PDE4B: variants seen among roughly 807,000 people sequenced by gnomAD.
PDE4B encodes the protein phosphodiesterase 4B.
In PDE4B, 20 loss-of-function variants were observed where a neutral mutation model predicts 82.2. The ratio of observed to expected loss-of-function variants is 0.24; its 90% CI spans 0.17 to 0.35. The LOEUF (loss-of-function observed/expected upper bound fraction) is 0.35, where lower values mean the gene tolerates loss of function less well. Ranked by LOEUF, PDE4B falls within the 10% of genes least tolerant of loss-of-function variation. The pLI is 1.00. For synonymous variants in PDE4B, 320 were observed against 318.9 expected, an observed-to-expected ratio of 1.00 and a Z score of -0.04; for missense variants, 655 against 907.2, an observed-to-expected ratio of 0.72 and a Z score of 3.57.
At chr1:65,853,261 C>G (rs569466316) in intron 1 of PDE4B, among the ~76,000 whole-genome samples, 61 of 152,056 alleles carry the variant, frequency 4.0e-4, no homozygotes, top group Non-Finnish European at 8.1e-4. Flanking sequence ...GTATCTATAA[C>G]TTTACATTTT....
At chr1:65,959,963 A>G (rs1168593441) in intron 3 of PDE4B, among the ~76,000 whole-genome samples, 2 of 152,034 alleles carry the variant, frequency 1.3e-5, no homozygotes, top group African/African-American at 4.8e-5. Context: ...CTTCCTCCTG[A>G]GCCTCCTAAA....
At chr1:65,872,220 T>C (rs1646581293) in intron 1 of PDE4B, among the ~76,000 whole-genome samples, 1 of 152,200 alleles carries the variant, frequency 6.6e-6, no homozygotes, top group Non-Finnish European at 1.5e-5. Context: ...GCTCACCAAA[T>C]TACTTAGATT....
At chr1:66,100,141 C>A (rs1379530892) in intron 3 of PDE4B, among the ~76,000 whole-genome samples, 1 of 151,530 alleles carries the variant, frequency 6.6e-6, no homozygotes, top group Admixed American at 6.6e-5. Flanking sequence ...GCAGTCTCCC[C>A]CTCCTGAGTT....
At chr1:65,854,123 G>A (rs1646364944) in intron 1 of PDE4B, among the ~76,000 whole-genome samples, 1 of 151,662 alleles carries the variant, frequency 6.6e-6, no homozygotes, top group Non-Finnish European at 1.5e-5. Flanking sequence ...TCACACATAA[G>A]AACCCCAACC....
chr1:66,293,468 T>C (rs1375435011), intron 7 of PDE4B, among the ~76,000 whole-genome samples: 2 of 152,208 alleles, frequency 1.3e-5, no homozygotes, highest in Non-Finnish European at 2.9e-5. Flanking sequence ...GCATCTACTA[T>C]GTGCATTGCA....
intron 8 of PDE4B, among the ~76,000 whole-genome samples, chr1:66,338,179 A>T (rs1660669527): frequency 6.6e-6 from 1 of 152,250 alleles, no homozygotes; most frequent in East Asian, 1.9e-4. Flanking sequence ...CAGATGAGTA[A>T]AGTGAGGCAT....
At chr1:66,279,263 A>T (rs1213690700) in intron 7 of PDE4B, among the ~76,000 whole-genome samples, 1 of 152,134 alleles carries the variant, frequency 6.6e-6, no homozygotes, top group Non-Finnish European at 1.5e-5. Flanking sequence ...ATTATTTGTC[A>T]GGTGTGTGTG....
chr1:66,164,244 G>T (rs1420946339), intron 3 of PDE4B, among the ~76,000 whole-genome samples: 1 of 151,958 alleles, frequency 6.6e-6, no homozygotes, highest in Admixed American at 6.6e-5. Flanking sequence ...CTTATGAAAA[G>T]ACCAGCAATC....
intron 3 of PDE4B, chr1:66,152,617 T>A (rs114287158): frequency 0.14 from 17,426 of 125,320 alleles, 1,272 homozygotes; most frequent in South Asian, 0.31. Context: ...CACATATATA[T>A]ATTTATATAT....
Position 65,992,139 on chromosome 1 carries a change from G to GA in PDE4B, c.281+73313dup, listed in dbSNP as rs369821262. 5.5e-3 allele frequency among the ~76,000 whole-genome samples: 837 copies of GA among 151,234 alleles called. 4 individuals are homozygous for GA. The highest frequency in any genetic ancestry group is 0.019 in the African/African-American group (784 of 41,264). ...GTTTTGGATCTTCTGGAGAAGGGAGGAAAAAAAAACTTCAGCAAATCAGCT... is the reference window on the plus strand; with the variant it reads ...GTTTTGGATCTTCTGGAGAAGGGAGGAAAAAAAAAACTTCAGCAAATCAGCT... On this transcript the variant is annotated intron_variant, in intron 3 of 16. Transcript: ENST00000341517.
intron 3 of PDE4B, among the ~76,000 whole-genome samples, chr1:66,081,832 C>G (rs12759207): frequency 0.54 from 67,721 of 124,950 alleles, 16,896 homozygotes; most frequent in Non-Finnish European, 0.58. Flanking sequence ...CTCTCTCTCT[C>G]TGTGTGTGTG....
intron 3 of PDE4B, among the ~76,000 whole-genome samples, chr1:66,232,862 G>A (rs1222664347): frequency 6.6e-6 from 1 of 152,146 alleles, no homozygotes; most frequent in Non-Finnish European, 1.5e-5. Context: ...TAAGTGTTAA[G>A]GAAATGGAGA....
Position 65,837,091 on chromosome 1 carries a change from G to GT in PDE4B, c.-71+43856dup, listed in dbSNP as rs879623685. Among the ~76,000 whole-genome samples, 1,193 of 142,618 alleles carry GT rather than the reference G, an allele frequency of 8.4e-3. 5 individuals are homozygous for GT. Among genetic ancestry groups the GT allele is most frequent in the African/African-American group, 0.021 (812 of 39,280 alleles). The allele number at this position is 142,618 out of a possible 152,430, so 93.6% of individuals were successfully genotyped here. On this transcript the variant is annotated intron_variant, in intron 1 of 16. Transcript: ENST00000341517. ...AAATTAAACATACCAGCCAGCACCA[G>GT]TTTTTTTTTTTTTAATCATTAAGCT...
chr1:66,268,950 CTA>C (rs1053643917), intron 7 of PDE4B, among the ~76,000 whole-genome samples: 4 of 152,104 alleles, frequency 2.6e-5, no homozygotes, highest in African/African-American at 9.7e-5. Context: ...TGTGCCTTAT[CTA>C]TCTTTTTATT....
At position 65,895,045 on chromosome 1, in the gene PDE4B, C is replaced by T. The variant is rs555108546; in HGVS notation, c.-70-18200C>T. Among the ~76,000 whole-genome samples, 4 of 152,168 alleles carry T rather than the reference C, an allele frequency of 2.6e-5. 1 individual carries two copies. In the South Asian group the frequency reaches 8.3e-4, roughly 32 times the overall value. The stretch of plus-strand genomic sequence containing the variant: ...CGCAGTCTTAGCTACTTACCCAAGA[C>T]AAATTAAAACATATGTCTTTAAAAA... On this transcript the variant is annotated intron_variant, in intron 1 of 16. Coordinates refer to ENST00000341517, the MANE Select transcript of PDE4B (RefSeq NM_002600.4).
intron 3 of PDE4B, among the ~76,000 whole-genome samples, chr1:66,154,766 C>T (rs756906460): frequency 3.3e-5 from 5 of 152,138 alleles, no homozygotes; most frequent in African/African-American, 9.7e-5. Flanking sequence ...CTCTTCCATT[C>T]GCTACACCTT....
intron 1 of PDE4B, among the ~76,000 whole-genome samples, chr1:65,860,632 A>C (rs1315526671): frequency 6.6e-6 from 1 of 152,230 alleles, no homozygotes; most frequent in East Asian, 1.9e-4. Context: ...ACTGTCTTCC[A>C]CAATGGTTGA....
At chr1:66,084,654 T>G (rs932438579) in intron 3 of PDE4B, among the ~76,000 whole-genome samples, 1 of 152,138 alleles carries the variant, frequency 6.6e-6, no homozygotes, top group African/African-American at 2.4e-5. Flanking sequence ...ATCAATGCTC[T>G]AGGGGTCTGG....
At position 66,056,696 on chromosome 1, in the gene PDE4B, G is replaced by C. The variant is rs138931435; in HGVS notation, c.281+137861G>C. Among the ~76,000 whole-genome samples the C allele has an allele frequency of 6.8e-4, 104 of 152,268 alleles. No homozygotes were observed. The East Asian group carries it at 0.02, about 29-fold the overall frequency. On this transcript the variant is annotated intron_variant, in intron 3 of 16. Transcript: ENST00000341517. ...TATGCCTTTCCTGGCTGTGGTTAAA[G>C]AGAGGTGACTACAGAAGAATCATCA...
Sources: gnomAD v4.1 joint callset for allele counts (sites outside exome capture counted in the v4.1 genomes callset) on GRCh38, gnomAD v4.1.1 for gene constraint, MANE v1.5 for transcripts, NCBI Gene and HGNC (gene_info 2026-07-23, HGNC 2026-07-21) for gene names.